The following FHOD1 variants were observed in gnomAD, a reference collection of about 807,000 sequenced individuals.
FHOD1 encodes formin homology 2 domain containing 1.
Under a neutral mutation model 111.6 loss-of-function variants are expected in FHOD1, and 89 were observed. The observed-to-expected ratio is 0.80, with a 90% CI of 0.67 to 0.95. FHOD1 has a LOEUF of 0.95. Among genes scored for constraint, FHOD1 ranks in the 40% least tolerant of loss-of-function variants. The pLI is 0.00. For missense variants in FHOD1, 1,446 were observed against 1,554.2 expected (o/e 0.93, Z 1.17); for synonymous variants, 618 against 639.0 (o/e 0.97, Z 0.50).
intron 1 of FHOD1, among the ~76,000 whole-genome samples, chr16:67,246,572 C>T (rs1217333231): frequency 6.6e-6 from 1 of 152,136 alleles, no homozygotes; most frequent in African/African-American, 2.4e-5. Context: ...CGGCGAGTGT[C>T]CGGGGGTGGG....
chr16:67,246,472 G>A (rs1307669279), intron 1 of FHOD1, among the ~76,000 whole-genome samples: 1 of 152,188 alleles, frequency 6.6e-6, no homozygotes, highest in Non-Finnish European at 1.5e-5. Flanking sequence ...CTGTGCACAA[G>A]TCCGCTTCGG....
In FHOD1 at chr16:67,237,216, T is replaced by C; in HGVS notation, c.993+23A>G. 1 of 1,609,682 alleles carries C rather than the reference T, an allele frequency of 6.2e-7. No homozygotes were observed. Among genetic ancestry groups the C allele is most frequent in the Non-Finnish European group, 8.5e-7 (1 of 1,176,888 alleles). On this transcript the variant is annotated intron_variant, in intron 9 of 21. Coordinates refer to ENST00000258201, the MANE Select transcript of FHOD1 (RefSeq NM_013241.3). This position sits in a 1 kb window ranked among gnomAD's most constrained non-coding sequence, Gnocchi z 5.6. ...CTCTCTTCCCTCTTTCCAATCCGCC[T>C]CAGAGCGTAAGGCCCGGCCCACCTC... is the stretch of plus-strand genomic sequence containing the variant.
At position 67,231,589 on chromosome 16, in the gene FHOD1, T is replaced by G. The variant is rs765739030; in HGVS notation, c.2386-40A>C. 1 of 1,614,178 alleles carries G rather than the reference T, an allele frequency of 6.2e-7. No homozygotes were observed. Among genetic ancestry groups the G allele is most frequent in the South Asian group, 1.1e-5 (1 of 91,082 alleles). On this transcript the variant is annotated intron_variant, in intron 15 of 21. Coordinates refer to ENST00000258201, the MANE Select transcript of FHOD1 (RefSeq NM_013241.3). The surrounding 1 kb of genome is among the most constrained non-coding windows in gnomAD (Gnocchi z 4.3). ...CAGGGACTCTCAGACTACATGGTCATGATGCTTACCTGTCCCTACTGACTG... is the reference window on the plus strand; with the variant it reads ...CAGGGACTCTCAGACTACATGGTCAGGATGCTTACCTGTCCCTACTGACTG...
At position 67,247,315 on chromosome 16, in the gene FHOD1, G is replaced by A. The variant is rs376939208; in HGVS notation, c.96C>T (p.Ala32=). 1 of 1,613,486 alleles carries A rather than the reference G, an allele frequency of 6.2e-7. No individual in the cohort carries two copies. The highest frequency in any genetic ancestry group is 1.3e-5 in the African/African-American group (1 of 74,926). ...GGGCCCGGCGCGGCTCCGGAAAGTT[G>A]GCACATGCGAAGGGGTCGGTGTCTT... ...YLEDTDPFAC[A]NFPEPRRAPT... The change falls in exon 1 of 22, where the codon GCC becomes GCT. Residue 32 remains alanine (A), a synonymous_variant. Coordinates refer to ENST00000258201, the MANE Select transcript of FHOD1 (RefSeq NM_013241.3).
Position 67,237,724 on chromosome 16 carries a change from A to C in FHOD1, c.687T>G (p.Phe229Leu). 6.2e-7 allele frequency: 1 copy of C among 1,614,190 alleles called. No individual in the cohort carries two copies. Among genetic ancestry groups the C allele is most frequent in the Non-Finnish European group, 8.5e-7 (1 of 1,180,038 alleles). ...VKTALKLLLVFVEYSENNAPL... is the reference protein window; with the variant it reads ...VKTALKLLLVLVEYSENNAPL... ...GTGCGTTGTTTTCGGAGTATTCTAC[A>C]AACACCAACAGCAGCTTCAGGGCTG... Residue 229 changes from phenylalanine to leucine, a missense_variant, in exon 7 of 22, where the codon TTT becomes TTG. Phe to Leu is a conservative substitution (Grantham distance 22). Coordinates refer to ENST00000258201, the MANE Select transcript of FHOD1 (RefSeq NM_013241.3). The surrounding 1 kb of genome is among the most constrained non-coding windows in gnomAD (Gnocchi z 5.6).
At chr16:67,233,155 C>T (rs1268977545) in intron 13 of FHOD1, among the ~76,000 whole-genome samples, 5 of 151,690 alleles carry the variant, frequency 3.3e-5, no homozygotes, top group Non-Finnish European at 7.4e-5. Context: ...GGTGCGATCT[C>T]GACTCACTGC....
At chr16:67,244,442 G>A (rs1045398806) in intron 1 of FHOD1, among the ~76,000 whole-genome samples, 5 of 152,104 alleles carry the variant, frequency 3.3e-5, no homozygotes, top group African/African-American at 9.7e-5. Context: ...CACTAGGCCC[G>A]GCCCAAGACA....
In FHOD1 at chr16:67,230,178, G is replaced by A. The variant is rs768557197; in HGVS notation, c.3102C>T (p.Val1034=). ...VAGEAPSNPS[V]PVAVSSGPGR... The stretch of plus-strand genomic sequence containing the variant: ...CTGGCCCGCTGCTCACTGCTACTGG[G>A]ACAGAGGGGTTGCTGGGGGCTTCCC... The change falls in exon 20 of 22, where the codon GTC becomes GTT. Residue 1034 remains valine (V), a synonymous_variant. Transcript: ENST00000258201. 2.5e-6 allele frequency: 4 copies of A among 1,614,112 alleles called. No individual in the cohort carries two copies. In the South Asian group the frequency reaches 4.4e-5, roughly 18 times the overall value.
In FHOD1 at chr16:67,231,138, A is replaced by G; in HGVS notation, c.2667+50T>C. Reference sequence around the variant, plus strand: ...GGGGGAGGAGCCAGGCCCAGGAAGCAGCGCTCCTCATGCCTTGTCCGGCCT... The same window carrying G: ...GGGGGAGGAGCCAGGCCCAGGAAGCGGCGCTCCTCATGCCTTGTCCGGCCT... On this transcript the variant is annotated intron_variant, in intron 17 of 21. Transcript: ENST00000258201. The surrounding 1 kb of genome is among the most constrained non-coding windows in gnomAD (Gnocchi z 4.3). The G allele has an allele frequency of 2.5e-6, 4 of 1,600,518 alleles. No homozygotes were observed. The highest frequency in any genetic ancestry group is 3.4e-6 in the Non-Finnish European group (4 of 1,171,416).
chr16:67,238,309 T>C lies in FHOD1; in HGVS notation c.442-2A>G. The C allele has an allele frequency of 6.2e-7, 1 of 1,614,076 alleles. No homozygotes were observed. The highest frequency in any genetic ancestry group is 2.2e-5 in the East Asian group (1 of 44,880). On this transcript the variant is annotated splice_acceptor_variant, in intron 4 of 21. Transcript: ENST00000258201. LOFTEE classifies it high-confidence loss of function. This position sits in a 1 kb window ranked among gnomAD's most constrained non-coding sequence, Gnocchi z 4.2. ...TTCAGGCACCAGGTCTTTGTCCTCC[T>C]AGAGGCACCATGGGGGAGTTTAGGG...
chr16:67,237,594 C>G lies in FHOD1; in HGVS notation c.755-25G>C. On this transcript the variant is annotated intron_variant, in intron 7 of 21. Transcript: ENST00000258201. The surrounding 1 kb of genome is among the most constrained non-coding windows in gnomAD (Gnocchi z 5.6). Reference sequence around the variant, plus strand: ...CCTGCCACACAGAAAGTGGAGCAGTCATGGGGGAACAGGTAGGAGAGAGGG... The same window carrying G: ...CCTGCCACACAGAAAGTGGAGCAGTGATGGGGGAACAGGTAGGAGAGAGGG... 6.2e-7 allele frequency: 1 copy of G among 1,613,510 alleles called. No homozygotes were observed. Among genetic ancestry groups the G allele is most frequent in the East Asian group, 2.2e-5 (1 of 44,878 alleles).
At position 67,229,439 on chromosome 16, in the gene FHOD1, C is replaced by T; in HGVS notation, c.*197G>A. The stretch of plus-strand genomic sequence containing the variant: ...TTGCTCCGTGCGTTCAAGGAGCTCA[C>T]ACACATGCACATGCATATGCATGCA... On this transcript the variant is annotated 3_prime_UTR_variant, in exon 22 of 22. Transcript: ENST00000258201. 2 of 613,692 alleles carry T rather than the reference C, an allele frequency of 3.3e-6. No individual in the cohort carries two copies. The highest frequency in any genetic ancestry group is 2.0e-5 in the South Asian group (1 of 49,500). The allele number at this position is 613,692 out of a possible 1,614,324, so 38.0% of individuals were successfully genotyped here.
chr16:67,230,905 C>A (rs1597315481), intron 17 of FHOD1, 114 bp from the exon 18 acceptor site: 2 of 1,156,248 alleles, frequency 1.7e-6, no homozygotes, highest in East Asian at 2.4e-5. Context: ...CACAGACATC[C>A]AAATCTCATA....
Position 67,247,241 on chromosome 16 carries a change from G to A in FHOD1, c.170C>T (p.Ala57Val), listed in dbSNP as rs371163067. Residue 57 changes from alanine (A) to valine (V), a missense_variant, in exon 1 of 22, where the codon GCG (alanine) becomes GTG (valine). Physicochemically the swap from Ala to Val is moderately conservative, Grantham distance 64 (BLOSUM62 0). This residue lies in a region of FHOD1 where 127 missense variants were observed against 118.0 expected (regional missense o/e 1.08). Transcript: ENST00000258201. The part of the protein sequence containing the change: ...GALPLGAQIP[A>V]VHRLLGAPLK... ...CGGCGCTCCCAGCAGGCGGTGCACC[G>A]CGGGTATCTGCGCGCCCAAGGGCAG... The A allele has an allele frequency of 4.2e-5, 68 of 1,604,254 alleles. No homozygotes were observed. Among genetic ancestry groups the A allele is most frequent in the Non-Finnish European group, 5.5e-5 (65 of 1,176,466 alleles).
Position 67,233,929 on chromosome 16 carries a change from G to T in FHOD1, c.1774C>A (p.Pro592Thr), listed in dbSNP as rs766789787. The T allele has an allele frequency of 1.9e-6, 3 of 1,582,824 alleles. No homozygotes were observed. The highest frequency in any genetic ancestry group is 1.4e-5 in the African/African-American group (1 of 73,946). ...GGTGGGAAGGGGCCTTTGATGGGTG[G>T]GGGAGGTGGAAGTGGGGGAGGGGGG... Reference protein sequence around the residue: ...VPPPPPLPPPPPIKGPFPPPP... With the variant: ...VPPPPPLPPPTPIKGPFPPPP... The change falls in exon 13 of 22, where the codon CCA becomes ACA. Residue 592 changes from proline to threonine, a missense_variant. Physicochemically the swap from Pro to Thr is conservative, Grantham distance 38. Around this residue, in one of 3 missense-constraint regions of FHOD1, gnomAD observed 1,085 missense variants for 1,108.8 expected, o/e 0.98. Coordinates refer to ENST00000258201, the MANE Select transcript of FHOD1 (RefSeq NM_013241.3).
At position 67,244,371 on chromosome 16, in the gene FHOD1, C is replaced by T. The variant is rs372744876; in HGVS notation, c.201+2839G>A. ...GACACATTCTCCCCTCTGGCAAAGG[C>T]AGGTCTGGGCTGGGGGAATATTTTG... On this transcript the variant is annotated intron_variant, in intron 1 of 21. Coordinates refer to ENST00000258201, the MANE Select transcript of FHOD1 (RefSeq NM_013241.3). Among the ~76,000 whole-genome samples, 14 of 152,142 alleles carry T rather than the reference C, an allele frequency of 9.2e-5. No individual in the cohort carries two copies. In the East Asian group the frequency reaches 2.5e-3, roughly 27 times the overall value.
At chr16:67,240,821 T>C (rs919833692) in intron 1 of FHOD1, among the ~76,000 whole-genome samples, 1 of 152,374 alleles carries the variant, frequency 6.6e-6, no homozygotes, top group South Asian at 2.1e-4. Flanking sequence ...TTGACTTAAG[T>C]GGCTCTGGCC....
intron 1 of FHOD1, 43 bp downstream of exon 1, chr16:67,247,167 C>T (rs1233779153): frequency 1.3e-6 from 2 of 1,485,170 alleles, no homozygotes; most frequent in South Asian, 2.6e-5. Flanking sequence ...TGGCGCCCAC[C>T]CTGAACCCCC....
chr16:67,235,788 ATCTCTGGCTGCTAAG>A (rs2034454309), intron 11 of FHOD1, among the ~76,000 whole-genome samples: 1 of 152,174 alleles, frequency 6.6e-6, no homozygotes. Context: ...CCACATCCCC[ATCTCTGGCTGCTAAG>A]GTGTTGCTAT....
Sources: gnomAD v4.1 joint callset for allele counts (sites outside exome capture counted in the v4.1 genomes callset) on GRCh38, gnomAD v4.1.1 for gene constraint, gnomAD v4.1.1 regional missense constraint, Gnocchi (gnomAD v3.1) non-coding constraint, MANE v1.5 for transcripts, NCBI Gene and HGNC (gene_info 2026-07-23, HGNC 2026-07-21) for gene names.